The following FRAS1 variants were observed in gnomAD, a reference collection of about 807,000 sequenced individuals.
FRAS1 encodes the protein extracellular matrix organizing protein FRAS1.
In FRAS1, 290 loss-of-function variants were observed where a neutral mutation model predicts 435.2. The observed-to-expected ratio is 0.67, with a 90% confidence interval of 0.61 to 0.73. The LOEUF (loss-of-function observed/expected upper bound fraction) is 0.73. Among genes scored for constraint, FRAS1 ranks in the 30% least tolerant of loss-of-function variants. The pLI is 0.00. For synonymous variants in FRAS1, 1,800 were observed against 1,851.0 expected (o/e 0.97, Z 0.71); for missense variants, 4,860 against 5,001.5 (o/e 0.97, Z 0.85).
At position 78,120,172 on chromosome 4, in the gene FRAS1, C is replaced by A. The variant is rs980961849; in HGVS notation, c.108+54156C>A. 2.6e-5 allele frequency among the ~76,000 whole-genome samples: 4 copies of A among 152,074 alleles called. No individual in the cohort carries two copies. In the South Asian group the frequency reaches 8.3e-4, roughly 32 times the overall value. ...AAAATGCACACTGATTTCTTCTGAC[C>A]AACATATGTGCCAAGTATCTTGAAT... On this transcript the variant is annotated intron_variant, in intron 2 of 73. Transcript: ENST00000512123.
chr4:78,243,875 T>C (rs1725117605), intron 3 of FRAS1, among the ~76,000 whole-genome samples: 1 of 152,150 alleles, frequency 6.6e-6, no homozygotes, highest in Admixed American at 6.6e-5. Flanking sequence ...TATCAACACT[T>C]AGATCATGTT....
chr4:78,232,159 A>G (rs147437258), intron 2 of FRAS1, among the ~76,000 whole-genome samples: 1 of 152,196 alleles, frequency 6.6e-6, no homozygotes, highest in Non-Finnish European at 1.5e-5. Flanking sequence ...ATGTGACCAT[A>G]TAATTGATTT....
intron 28 of FRAS1, 55 bp downstream of exon 28, chr4:78,384,198 A>G: frequency 7.5e-6 from 9 of 1,202,714 alleles, no homozygotes; most frequent in Non-Finnish European, 1.1e-5. Flanking sequence ...GTTCTCAAGC[A>G]CGAAATCTAG....
intron 19 of FRAS1, among the ~76,000 whole-genome samples, chr4:78,335,551 A>T (rs951752208): frequency 8.5e-5 from 13 of 152,140 alleles, no homozygotes; most frequent in African/African-American, 3.1e-4. Flanking sequence ...AACAGAATAC[A>T]CCTCTCAGTG....
chr4:78,483,798 A>ATATATATATATATATATAT (rs1491045148), intron 58 of FRAS1, among the ~76,000 whole-genome samples: 50 of 71,542 alleles, frequency 7.0e-4, no homozygotes, highest in East Asian at 2.5e-3. Context: ...ATATATATAT[A>ATATATATATATATATATAT]AAATTATGTA....
At chr4:78,116,989 T>C (rs1476356323) in intron 2 of FRAS1, among the ~76,000 whole-genome samples, 2 of 152,256 alleles carry the variant, frequency 1.3e-5, no homozygotes, top group African/African-American at 4.8e-5. Context: ...TTTCCATGTT[T>C]AGTGCTTCCT....
chr4:78,475,364 G>C, intron 53 of FRAS1, 74 bp from the exon 54 acceptor site: 1 of 1,522,690 alleles, frequency 6.6e-7, no homozygotes, highest in Non-Finnish European at 9.1e-7. Context: ...AAATGGAAGA[G>C]ACAGGCATTA....
At chr4:78,182,265 A>G (rs376003605) in intron 2 of FRAS1, among the ~76,000 whole-genome samples, 1 of 152,250 alleles carries the variant, frequency 6.6e-6, no homozygotes, top group East Asian at 1.9e-4. Flanking sequence ...TGTTGTGGTT[A>G]TATGATGTAC....
intron 10 of FRAS1, 93 bp downstream of exon 10, chr4:78,278,837 C>A: frequency 2.6e-6 from 2 of 781,190 alleles, no homozygotes; most frequent in Non-Finnish European, 4.3e-6. Flanking sequence ...TTTGCCCATT[C>A]ATTTGTTCAA....
chr4:78,346,830 C>G (rs1465288373), intron 20 of FRAS1, among the ~76,000 whole-genome samples: 2 of 152,172 alleles, frequency 1.3e-5, no homozygotes, highest in Non-Finnish European at 2.9e-5. Flanking sequence ...CAGAGCCCAT[C>G]TGCCTTCCTG....
intron 9 of FRAS1, among the ~76,000 whole-genome samples, chr4:78,277,880 C>T (rs564682279): frequency 7.2e-4 from 109 of 151,686 alleles, no homozygotes; most frequent in African/African-American, 2.5e-3. Context: ...GGCGTGATCT[C>T]GGCTCACTGC....
intron 71 of FRAS1, among the ~76,000 whole-genome samples, chr4:78,536,360 T>G (rs1433594514): frequency 1.3e-5 from 2 of 152,194 alleles, no homozygotes; most frequent in Non-Finnish European, 2.9e-5. Context: ...CCTGGTTTCA[T>G]GCTCTCTTAA....
chr4:78,478,079 G>A lies in FRAS1; in HGVS notation c.8098+18G>A. ...AAGAAAAGGTCTGTTGGTTCCACAG[G>A]TGACAAAGAGCTATAATAATTGCTA... is the stretch of plus-strand genomic sequence containing the variant. On this transcript the variant is annotated intron_variant, in intron 55 of 73. Transcript: ENST00000512123. 1 of 1,546,956 alleles carries A rather than the reference G, an allele frequency of 6.5e-7. No individual in the cohort carries two copies. Among genetic ancestry groups the A allele is most frequent in the Non-Finnish European group, 8.7e-7 (1 of 1,143,906 alleles).
intron 2 of FRAS1, among the ~76,000 whole-genome samples, chr4:78,182,788 G>A (rs1440837932): frequency 2.0e-5 from 3 of 151,386 alleles, no homozygotes; most frequent in Admixed American, 6.6e-5. Flanking sequence ...GCTGAGGCAC[G>A]AGAATTGCTG....
At chr4:78,195,594 G>T (rs2110069342) in intron 2 of FRAS1, among the ~76,000 whole-genome samples, 1 of 152,346 alleles carries the variant, frequency 6.6e-6, no homozygotes, top group East Asian at 1.9e-4. Context: ...TAATCTCCTG[G>T]TGTGCCATTT....
intron 15 of FRAS1, 103 bp downstream of exon 15, chr4:78,308,312 A>G (rs1427425984): frequency 8.5e-7 from 1 of 1,175,568 alleles, no homozygotes; most frequent in East Asian, 2.6e-5. Context: ...CTTTTACTCA[A>G]CATATATGTG....
intron 2 of FRAS1, among the ~76,000 whole-genome samples, chr4:78,086,760 C>T (rs1257761936): frequency 2.6e-5 from 4 of 152,002 alleles, no homozygotes; most frequent in Non-Finnish European, 5.9e-5. Flanking sequence ...CTAATAGGCT[C>T]TGAAATTGCG....
chr4:78,504,934 T>G (rs937459033), intron 61 of FRAS1, among the ~76,000 whole-genome samples: 3 of 152,238 alleles, frequency 2.0e-5, no homozygotes, highest in East Asian at 1.9e-4. Context: ...TGACAAAATC[T>G]CTCAGCATTT....
chr4:78,453,313 G>T (rs1419440757), intron 47 of FRAS1, among the ~76,000 whole-genome samples: 1 of 152,082 alleles, frequency 6.6e-6, no homozygotes, highest in Non-Finnish European at 1.5e-5. Context: ...GAAGGTAGTG[G>T]GATTTCACCT....
Sources: gnomAD v4.1 joint callset for allele counts (sites outside exome capture counted in the v4.1 genomes callset) on GRCh38, gnomAD v4.1.1 for gene constraint, MANE v1.5 for transcripts, NCBI Gene and HGNC (gene_info 2026-07-23, HGNC 2026-07-21) for gene names.